MAP3K15: variants seen among roughly 807,000 people sequenced by gnomAD.
The protein encoded by MAP3K15 is mitogen-activated protein kinase kinase kinase 15, also known as MAPK/ERK kinase kinase 15.
MAP3K15 carries 124 observed loss-of-function variants against 99.5 expected under a neutral mutation model. The ratio of observed to expected loss-of-function variants is 1.25; its 90% CI spans 1.08 to 1.45. The LOEUF (loss-of-function observed/expected upper bound fraction) is 1.45, where lower values mean the gene tolerates loss of function less well. Among genes scored for constraint, MAP3K15 ranks in the 40% most tolerant of loss-of-function variants. MAP3K15 has a pLI of 0.00. For synonymous variants in MAP3K15, 494 were observed against 439.6 expected (o/e 1.12, Z -1.55); for missense variants, 1,242 against 1,079.7 (o/e 1.15, Z -2.11).
At chrX:19,363,963 G>A (rs2063316701) in intron 25 of MAP3K15, among the ~76,000 whole-genome samples, 1 of 111,298 alleles carries the variant, frequency 9.0e-6, no homozygotes, top group Admixed American at 9.6e-5. Context: ...GGAAGCCCCT[G>A]CTTGTAATGG....
chrX:19,380,796 T>C (rs1323104639), intron 18 of MAP3K15, among the ~76,000 whole-genome samples: 2 of 112,941 alleles, frequency 1.8e-5, no homozygotes, highest in Non-Finnish European at 3.7e-5. Flanking sequence ...GCTGGGATTA[T>C]AGGCGTGAGC....
At chrX:19,380,853 A>T (rs1216734930) in intron 18 of MAP3K15, among the ~76,000 whole-genome samples, 2 of 112,755 alleles carry the variant, frequency 1.8e-5, no homozygotes, top group East Asian at 5.6e-4. Flanking sequence ...GAGGCATGCA[A>T]CATGCCTTCC....
intron 6 of MAP3K15, among the ~76,000 whole-genome samples, chrX:19,431,936 C>T (rs1415965817): frequency 3.0e-5 from 3 of 101,641 alleles, no homozygotes; most frequent in African/African-American, 1.2e-4. Context: ...AGAGTGAGAC[C>T]CTGCTTTTTT....
chrX:19,397,772 CACAAA>C (rs927401239), intron 15 of MAP3K15, among the ~76,000 whole-genome samples: 2 of 111,675 alleles, frequency 1.8e-5, no homozygotes, highest in Non-Finnish European at 3.8e-5. Flanking sequence ...ATCTATAATA[CACAAA>C]ACAAAAGCAC....
intron 22 of MAP3K15, among the ~76,000 whole-genome samples, chrX:19,372,144 AAAAAG>A (rs1365500366): frequency 2.0e-4 from 20 of 99,765 alleles, no homozygotes; most frequent in Non-Finnish European, 3.4e-4. Context: ...AAAAAAAAAA[AAAAAG>A]ATTAAAAAAC....
At chrX:19,480,508 A>C (rs1203874847) in intron 3 of MAP3K15, among the ~76,000 whole-genome samples, 1 of 109,550 alleles carries the variant, frequency 9.1e-6, no homozygotes, top group Non-Finnish European at 1.9e-5. Flanking sequence ...AAGAAAAATA[A>C]ATTTTTTAAA....
At chrX:19,449,826 A>AT (rs1370147741) in intron 6 of MAP3K15, among the ~76,000 whole-genome samples, 1 of 108,866 alleles carries the variant, frequency 9.2e-6, no homozygotes, top group Non-Finnish European at 1.9e-5. Flanking sequence ...TCTCTTAAGA[A>AT]TTTTTTTTCA....
intron 9 of MAP3K15, among the ~76,000 whole-genome samples, chrX:19,418,195 T>A (rs1257970062): frequency 8.9e-6 from 1 of 111,843 alleles, no homozygotes; most frequent in African/African-American, 3.3e-5. Context: ...GGACGGAGAA[T>A]GACTTTGACG....
intron 5 of MAP3K15, 97 bp downstream of exon 5, chrX:19,459,888 C>T (rs1243197319): frequency 1.5e-6 from 1 of 660,623 alleles, no homozygotes; most frequent in East Asian, 3.8e-5. Flanking sequence ...AACCCAGCCA[C>T]TTCACCACAT....
At chrX:19,480,557 G>C (rs1375237687) in intron 3 of MAP3K15, among the ~76,000 whole-genome samples, 1 of 106,024 alleles carries the variant, frequency 9.4e-6, no homozygotes, top group Non-Finnish European at 1.9e-5. Context: ...GCTTGTGCCT[G>C]TAATTCCAGC....
chrX:19,511,878 C>T (rs1191170548), intron 1 of MAP3K15, among the ~76,000 whole-genome samples: 2 of 112,158 alleles, frequency 1.8e-5, no homozygotes, highest in African/African-American at 6.5e-5. Flanking sequence ...TGTATGTTTA[C>T]TGCAGCACTA....
At chrX:19,510,185 A>C (rs980439995) in intron 1 of MAP3K15, among the ~76,000 whole-genome samples, 1 of 112,097 alleles carries the variant, frequency 8.9e-6, no homozygotes, top group Non-Finnish European at 1.9e-5. Flanking sequence ...ATTCCTTCTG[A>C]AACTATTCCA....
chrX:19,420,344 A>G (rs1488226763), intron 9 of MAP3K15, among the ~76,000 whole-genome samples: 2 of 112,082 alleles, frequency 1.8e-5, no homozygotes, highest in Non-Finnish European at 3.8e-5. Context: ...ATAAAAAATG[A>G]TAAAGGGGAT....
Position 19,380,918 on chromosome X carries a change from C to T in MAP3K15, c.2432-641G>A, listed in dbSNP as rs143021097. Among the ~76,000 whole-genome samples the T allele has an allele frequency of 3.0e-3, 334 of 112,376 alleles. 2 individuals are homozygous for T. Among genetic ancestry groups the T allele is most frequent in the African/African-American group, 0.01 (317 of 30,938 alleles). ...GCCTGGCCCATCAAAGGACAAATGG[C>T]GCAATTCAGTCAGCACATATTAGTA... On this transcript the variant is annotated intron_variant, in intron 18 of 28. Coordinates refer to ENST00000338883, the MANE Select transcript of MAP3K15 (RefSeq NM_001001671.4).
Position 19,459,965 on chromosome X carries a change from C to A in MAP3K15, c.888+20G>T. ...GGAAGAACGTAGCATACGTGAGCCT[C>A]GGCTAGGTGGATTTCATACCTGGAT... On this transcript the variant is annotated intron_variant, in intron 5 of 28. Coordinates refer to ENST00000338883, the MANE Select transcript of MAP3K15 (RefSeq NM_001001671.4). 8.9e-7 allele frequency: 1 copy of A among 1,119,935 alleles called. No individual in the cohort carries two copies. Among genetic ancestry groups the A allele is most frequent in the South Asian group, 2.2e-5 (1 of 44,861 alleles). The allele number at this position is 1,119,935 out of a possible 1,213,427, so 92.3% of individuals were successfully genotyped here. A position where few individuals can be genotyped will look rare whatever the true frequency, so the allele number is the denominator to read the frequency against.
At position 19,515,056 on chromosome X, in the gene MAP3K15, T is replaced by G; in HGVS notation, c.206A>C (p.Glu69Ala). 1.0e-6 allele frequency: 1 copy of G among 994,733 alleles called. No individual in the cohort carries two copies. Among genetic ancestry groups the G allele is most frequent in the South Asian group, 2.3e-5 (1 of 44,389 alleles). 82.0% of individuals were successfully genotyped at this position (994,733 alleles called of 1,213,427 possible). A position where few individuals can be genotyped will look rare whatever the true frequency, so the allele number is the denominator to read the frequency against. Reference sequence around the variant, plus strand: ...GCCGGCCGCGCCGCCCTGGGAGCTCTCACTGCGCACGTATACTGCCCGCAG... The same window carrying G: ...GCCGGCCGCGCCGCCCTGGGAGCTCGCACTGCGCACGTATACTGCCCGCAG... ...RALRAVYVRS[E>A]SSQGGAAGGP... The change falls in exon 1 of 29, where the codon GAG (glutamate) becomes GCG (alanine). Residue 69 changes from glutamate (E) to alanine (A), a missense_variant. Transcript: ENST00000338883.
chrX:19,383,475 T>G (rs2063473755), intron 18 of MAP3K15, among the ~76,000 whole-genome samples: 1 of 112,097 alleles, frequency 8.9e-6, no homozygotes, highest in African/African-American at 3.2e-5. Flanking sequence ...TGAAGCCTAT[T>G]TAGTCTGCTT....
In MAP3K15 at chrX:19,418,962, A is replaced by G. The variant is rs191186363; in HGVS notation, c.1440-3705T>C. On this transcript the variant is annotated intron_variant, in intron 9 of 28. Transcript: ENST00000338883. Reference sequence around the variant, plus strand: ...TAAGCTTCATAAGTGAAGGAGAAATAAAATCCTTTACAGACAAGCAAATGC... The same window carrying G: ...TAAGCTTCATAAGTGAAGGAGAAATGAAATCCTTTACAGACAAGCAAATGC... 3.4e-3 allele frequency among the ~76,000 whole-genome samples: 379 copies of G among 111,746 alleles called. 3 individuals are homozygous for G. Among genetic ancestry groups the G allele is most frequent in the Middle Eastern group, 9.2e-3 (2 of 218 alleles).
intron 1 of MAP3K15, among the ~76,000 whole-genome samples, chrX:19,513,438 G>A (rs1437153481): frequency 8.9e-6 from 1 of 111,872 alleles, no homozygotes; most frequent in Non-Finnish European, 1.9e-5. Context: ...TAGGTGAAGT[G>A]GACTCCTGAA....
Sources: gnomAD v4.1 joint callset for allele counts (sites outside exome capture counted in the v4.1 genomes callset) on GRCh38, gnomAD v4.1.1 for gene constraint, MANE v1.5 for transcripts, NCBI Gene and HGNC (gene_info 2026-07-23, HGNC 2026-07-21) for gene names.